PIK3C2G: variants seen among roughly 807,000 people sequenced by gnomAD.
PIK3C2G encodes the protein phosphatidylinositol 3-kinase C2 domain-containing subunit gamma.
PIK3C2G carries 168 observed loss-of-function variants against 181.1 expected under a neutral mutation model. The observed-to-expected ratio is 0.93, with a 90% CI of 0.82 to 1.05. PIK3C2G has a LOEUF of 1.05. PIK3C2G is among the 50% of genes least tolerant of loss of function. The pLI is 0.00. For synonymous variants in PIK3C2G, 573 were observed against 592.2 expected, an observed-to-expected ratio of 0.97 and a Z score of 0.47; for missense variants, 1,869 against 1,732.8, an observed-to-expected ratio of 1.08 and a Z score of -1.40.
At chr12:18,303,140 T>TTCTTTCTTTCTTTCTTTCTC (rs1565575668) in intron 5 of PIK3C2G, among the ~76,000 whole-genome samples, 1 of 37,316 alleles carries the variant, frequency 2.7e-5, no homozygotes, top group Non-Finnish European at 6.6e-5. Context: ...CTTTCTTTCT[T>TTCTTTCTTTCTTTCTTTCTC]TTCTTTTCTT....
At chr12:18,330,750 T>G (rs1046549873) in intron 8 of PIK3C2G, among the ~76,000 whole-genome samples, 2 of 152,142 alleles carry the variant, frequency 1.3e-5, no homozygotes, top group Admixed American at 6.6e-5. Context: ...TAACTGCAAT[T>G]GTAATCATTC....
At chr12:18,638,234 G>T (rs1045144538) in intron 31 of PIK3C2G, among the ~76,000 whole-genome samples, 24 of 152,146 alleles carry the variant, frequency 1.6e-4, no homozygotes, top group Admixed American at 6.6e-4. Context: ...GTTCTCAGGA[G>T]AATTAAAATT....
the PIK3C2G span, among the ~76,000 whole-genome samples, chr12:18,661,341 A>G: frequency 8.8e-6 from 1 of 113,202 alleles, no homozygotes; most frequent in Non-Finnish European, 2.2e-5. Flanking sequence ...GACCCGTACC[A>G]AGACATTATA....
intron 5 of PIK3C2G, among the ~76,000 whole-genome samples, chr12:18,306,689 G>C (rs1043138935): frequency 6.6e-6 from 1 of 151,938 alleles, no homozygotes; most frequent in East Asian, 1.9e-4. Flanking sequence ...AAAATACTCT[G>C]AACAGTACTA....
At chr12:18,542,643 A>T (rs568047751) in intron 25 of PIK3C2G, among the ~76,000 whole-genome samples, 1 of 151,826 alleles carries the variant, frequency 6.6e-6, no homozygotes, top group African/African-American at 2.4e-5. Context: ...CCCTCTTATA[A>T]GTGAGAATAT....
In PIK3C2G at chr12:18,338,200, TAGTA is replaced by T. The variant is rs573432390; in HGVS notation, c.1273-222_1273-219del. ...AAGTAATGTCAAATTAGAGCTAAGT[TAGTA>T]AGTTAGTGTTAAGTCAGTTCTAATT... On this transcript the variant is annotated intron_variant, in intron 8 of 32. Transcript: ENST00000538779. Among the ~76,000 whole-genome samples the T allele has an allele frequency of 2.5e-4, 38 of 152,224 alleles. No homozygotes were observed. In the South Asian group the frequency reaches 7.9e-3, roughly 31 times the overall value.
chr12:18,692,857 C>T, the PIK3C2G span: 2 of 1,599,354 alleles, frequency 1.3e-6, no homozygotes, highest in South Asian at 1.1e-5. Flanking sequence ...AAATATGAAC[C>T]TCCTGTACCA....
chr12:18,316,515 A>G (rs903828459), intron 6 of PIK3C2G, among the ~76,000 whole-genome samples: 1 of 152,186 alleles, frequency 6.6e-6, no homozygotes, highest in Non-Finnish European at 1.5e-5. Flanking sequence ...TTCAACTTAC[A>G]AGCTTATCCA....
chr12:18,287,033 C>A, intron 3 of PIK3C2G, 104 bp downstream of exon 3: 1 of 473,468 alleles, frequency 2.1e-6, no homozygotes, highest in Non-Finnish European at 3.7e-6. Context: ...AAGTCAAAGT[C>A]ATGTAATTTC....
chr12:18,673,377 T>A, the PIK3C2G span, among the ~76,000 whole-genome samples: 1 of 152,002 alleles, frequency 6.6e-6, no homozygotes, highest in Non-Finnish European at 1.5e-5. Flanking sequence ...ATAGAAAAAT[T>A]TGTTGTTATA....
chr12:18,302,963 C>T (rs1337138847), intron 5 of PIK3C2G, among the ~76,000 whole-genome samples: 1 of 151,902 alleles, frequency 6.6e-6, no homozygotes, highest in Non-Finnish European at 1.5e-5. Flanking sequence ...AGACGTTAGG[C>T]TTGAGCACGG....
At chr12:18,700,360 T>C in the PIK3C2G span, among the ~76,000 whole-genome samples, 4 of 151,958 alleles carry the variant, frequency 2.6e-5, no homozygotes, top group East Asian at 1.9e-4. Context: ...TTTTTAGCCA[T>C]TTCCCAAGTT....
chr12:18,327,278 G>T (rs368673764), intron 8 of PIK3C2G, among the ~76,000 whole-genome samples: 10 of 152,136 alleles, frequency 6.6e-5, no homozygotes, highest in Admixed American at 2.0e-4. Flanking sequence ...GATATTATCA[G>T]TTCACAATTT....
chr12:18,612,007 CTT>C (rs1450463638), intron 31 of PIK3C2G, among the ~76,000 whole-genome samples: 1 of 152,090 alleles, frequency 6.6e-6, no homozygotes, highest in East Asian at 1.9e-4. Flanking sequence ...CGGAAGGAGT[CTT>C]ATATCAGTTG....
At chr12:18,498,496 A>G (rs1941186943) in intron 22 of PIK3C2G, among the ~76,000 whole-genome samples, 1 of 152,332 alleles carries the variant, frequency 6.6e-6, no homozygotes, top group South Asian at 2.1e-4. Flanking sequence ...GGTATGAATT[A>G]TAGCACATAC....
At chr12:18,651,829 G>A (rs115800627), downstream of PIK3C2G, among the ~76,000 whole-genome samples, 596 of 152,246 alleles carry the variant, frequency 3.9e-3, 6 homozygotes, top group African/African-American at 0.014. Flanking sequence ...ACAGACATAT[G>A]CATGAGGCAA....
intron 5 of PIK3C2G, among the ~76,000 whole-genome samples, chr12:18,307,893 C>A (rs1591902281): frequency 6.6e-6 from 1 of 151,816 alleles, no homozygotes; most frequent in African/African-American, 2.4e-5. Context: ...GAAATAAATT[C>A]TAATACTACA....
intron 24 of PIK3C2G, among the ~76,000 whole-genome samples, chr12:18,533,017 TC>T (rs1943643156): frequency 6.6e-6 from 1 of 151,650 alleles, no homozygotes; most frequent in Non-Finnish European, 1.5e-5. Flanking sequence ...AAAACTCACC[TC>T]CATGTTGTTA....
intron 24 of PIK3C2G, among the ~76,000 whole-genome samples, chr12:18,516,499 T>C (rs1465789334): frequency 6.6e-6 from 1 of 152,122 alleles, no homozygotes; most frequent in East Asian, 1.9e-4. Flanking sequence ...CTGGGCTTCC[T>C]CTACCTGAAC....
Sources: allele counts gnomAD v4.1 joint callset (sites outside exome capture counted in the v4.1 genomes callset), GRCh38; gene constraint gnomAD v4.1.1; transcripts MANE v1.5; gene names NCBI Gene and HGNC (gene_info 2026-07-23, HGNC 2026-07-21).